ADGRB2: variants seen among roughly 807,000 people sequenced by gnomAD.
ADGRB2 encodes the protein brain-specific angiogenesis inhibitor 2.
A neutral mutation model predicts 178.7 loss-of-function variants in ADGRB2; 47 were observed. The ratio of observed to expected loss-of-function variants is 0.26; its 90% confidence interval spans 0.21 to 0.34. The LOEUF is 0.34. ADGRB2 is among the 10% of genes least tolerant of loss of function. The probability of loss-of-function intolerance (pLI) is 1.00; values close to 1 mark genes in which losing one functional copy is unlikely to be tolerated. For missense variants in ADGRB2, 1,584 were observed against 2,180.8 expected (o/e 0.73, Z 5.45); for synonymous variants, 870 against 912.4 (o/e 0.95, Z 0.84).
chr1:31,739,423 G>A lies in ADGRB2; in HGVS notation c.2380C>T (p.Pro794Ser). The stretch of plus-strand genomic sequence containing the variant: ...CGCTGGTGGGAGTGGCCTGGGCCAG[G>A]AGGCACCGTTCCTGGGCCCCTCCCC... ...GRGRGPGTVPPGPGHSHQRLL... is the reference protein window; with the variant it reads ...GRGRGPGTVPSGPGHSHQRLL... Residue 794 changes from proline to serine, a missense_variant, in exon 15 of 33, where the codon CCT becomes TCT. By Grantham distance (74) the Pro-to-Ser change is moderately conservative. Coordinates refer to ENST00000373658, the MANE Select transcript of ADGRB2 (RefSeq NM_001364857.2). 6.3e-7 allele frequency: 1 copy of A among 1,575,494 alleles called. No individual in the cohort carries two copies. Among genetic ancestry groups the A allele is most frequent in the Non-Finnish European group, 8.6e-7 (1 of 1,161,272 alleles).
At chr1:31,738,435 G>A (rs1053829184) in intron 17 of ADGRB2, 109 bp from the exon 18 acceptor site, 17 of 1,555,356 alleles carry the variant, frequency 1.1e-5, no homozygotes, top group African/African-American at 4.1e-5. Context: ...CCACATCCAC[G>A]AGGCAACAGC....
chr1:31,739,795 G>T, intron 14 of ADGRB2, 131 bp downstream of exon 14: 1 of 1,187,170 alleles, frequency 8.4e-7, no homozygotes, highest in South Asian at 1.4e-5. Flanking sequence ...CAGAGAAACA[G>T]ACCACACATA....
In ADGRB2 at chr1:31,745,498, A is replaced by G. The variant is rs187255362; in HGVS notation, c.839-767T>C. On this transcript the variant is annotated intron_variant, in intron 4 of 32. Coordinates refer to ENST00000373658, the MANE Select transcript of ADGRB2 (RefSeq NM_001364857.2). ...GTCTGGGCTAGGCCTTGGAAGCACTACCAGCCCTGGTGGCTTCCATTCTCC... is the reference window on the plus strand; with the variant it reads ...GTCTGGGCTAGGCCTTGGAAGCACTGCCAGCCCTGGTGGCTTCCATTCTCC... Among the ~76,000 whole-genome samples the G allele has an allele frequency of 3.3e-5, 5 of 152,280 alleles. No homozygotes were observed. The East Asian group carries it at 9.7e-4, about 29-fold the overall frequency.
rs1645682749 is a variant in ADGRB2 at position 31,737,548 on chromosome 1, G to T, written c.2877-17C>A. On this transcript the variant is annotated splice_polypyrimidine_tract_variant and intron_variant, in intron 19 of 32. Transcript: ENST00000373658. ...TTTATGAACCTGCCGGGGCACAGCA[G>T]GCAGGGACAGAGGCGCTGGCTGCCC... 1 of 1,613,378 alleles carries T rather than the reference G, an allele frequency of 6.2e-7. No homozygotes were observed. The highest frequency in any genetic ancestry group is 1.3e-5 in the African/African-American group (1 of 74,912).
At position 31,736,643 on chromosome 1, in the gene ADGRB2, C is replaced by T; in HGVS notation, c.3060G>A (p.Gln1020=). The change falls in exon 21 of 33, where the codon CAG becomes CAA. Residue 1020 remains glutamine, a synonymous_variant. Transcript: ENST00000373658. ...SFCWVLTEAW[Q]SYLAVIGRMR... Reference sequence around the variant, plus strand: ...TCCGCCCAATGACAGCCAGGTAGGACTGCCAGGCCTCGGTAAGCACCCAGC... The same window carrying T: ...TCCGCCCAATGACAGCCAGGTAGGATTGCCAGGCCTCGGTAAGCACCCAGC... The T allele has an allele frequency of 1.9e-6, 3 of 1,614,150 alleles. No homozygotes were observed. The highest frequency in any genetic ancestry group is 2.5e-6 in the Non-Finnish European group (3 of 1,179,992).
intron 4 of ADGRB2, among the ~76,000 whole-genome samples, chr1:31,745,785 C>T (rs928353356): frequency 6.6e-6 from 1 of 152,214 alleles, no homozygotes; most frequent in African/African-American, 2.4e-5. Context: ...AAGGGACCCA[C>T]CAGGGCTGCC....
chr1:31,743,868 A>G (rs12132508), intron 6 of ADGRB2, among the ~76,000 whole-genome samples: 4,703 of 152,340 alleles, frequency 0.031, 104 homozygotes, highest in Non-Finnish European at 0.048. Context: ...CAGCAAATGC[A>G]GGGAGGTGGG....
At position 31,744,147 on chromosome 1, in the gene ADGRB2, G is replaced by A. The variant is rs1352428984; in HGVS notation, c.1087+46C>T. On this transcript the variant is annotated intron_variant, in intron 6 of 32. Transcript: ENST00000373658. This position sits in a 1 kb window ranked among gnomAD's most constrained non-coding sequence, Gnocchi z 6.7. The stretch of plus-strand genomic sequence containing the variant: ...ATTAATCTGCCCAAGTCCCAGGCAG[G>A]ACCTAACCCTGCAGGCAGGTGGGGT... The A allele has an allele frequency of 1.3e-6, 2 of 1,484,666 alleles. No individual in the cohort carries two copies. Among genetic ancestry groups the A allele is most frequent in the Non-Finnish European group, 1.8e-6 (2 of 1,113,358 alleles). The allele number at this position is 1,484,666 out of a possible 1,614,324, so 92.0% of individuals were successfully genotyped here. A position where few individuals can be genotyped will look rare whatever the true frequency, so the allele number is the denominator to read the frequency against.
At position 31,764,072 on chromosome 1, in the gene ADGRB2, G is replaced by T; in HGVS notation, c.-379C>A. The T allele has an allele frequency of 2.1e-6, 2 of 961,752 alleles. No homozygotes were observed. Among genetic ancestry groups the T allele is most frequent in the Non-Finnish European group, 2.5e-6 (2 of 812,714 alleles). The allele number at this position is 961,752 out of a possible 1,614,324, so 59.6% of individuals were successfully genotyped here. On this transcript the variant is annotated 5_prime_UTR_variant, in exon 1 of 33. Coordinates refer to ENST00000373658, the MANE Select transcript of ADGRB2 (RefSeq NM_001364857.2). This position sits in a 1 kb window ranked among gnomAD's most constrained non-coding sequence, Gnocchi z 7.3. ...AGGCGCCGCGGAGCAGCGCGGGGCG[G>T]GCGGGCGGGCGGCGCCGGGCCGGGC...
rs1557724493 is a variant in ADGRB2, at chr1:31,727,567, T to C, written c.4611A>G (p.Gln1537=). The part of the protein sequence containing the change: ...PSPGERPSLS[Q]HRRHQSWSTF... ...TGCTCCAGCTCTGATGGCGCCGATGTTGGGACAAGCTGGGGCGCTCCCCAG... is the reference window on the plus strand; with the variant it reads ...TGCTCCAGCTCTGATGGCGCCGATGCTGGGACAAGCTGGGGCGCTCCCCAG... Residue 1537 remains glutamine, a synonymous_variant, in exon 33 of 33, where the codon CAA becomes CAG. Coordinates refer to ENST00000373658, the MANE Select transcript of ADGRB2 (RefSeq NM_001364857.2). This position sits in a 1 kb window ranked among gnomAD's most constrained non-coding sequence, Gnocchi z 4.4. 1.3e-6 allele frequency: 2 copies of C among 1,572,414 alleles called. No individual in the cohort carries two copies. The highest frequency in any genetic ancestry group is 1.7e-6 in the Non-Finnish European group (2 of 1,165,974).
At position 31,755,923 on chromosome 1, in the gene ADGRB2, G is replaced by A; in HGVS notation, c.838+76C>T. On this transcript the variant is annotated intron_variant, in intron 4 of 32. Coordinates refer to ENST00000373658, the MANE Select transcript of ADGRB2 (RefSeq NM_001364857.2). This position sits in a 1 kb window ranked among gnomAD's most constrained non-coding sequence, Gnocchi z 5.1. ...GTGAACAGCTACATGCATGGCCGAG[G>A]ATCTGCCAGGATGGACACCAGGGAC... The A allele has an allele frequency of 6.6e-7, 1 of 1,524,246 alleles. No homozygotes were observed. The highest frequency in any genetic ancestry group is 2.0e-5 in the Admixed American group (1 of 50,342). 94.4% of individuals were successfully genotyped at this position (1,524,246 alleles called of 1,614,324 possible). A position where few individuals can be genotyped will look rare whatever the true frequency, so the allele number is the denominator to read the frequency against.
rs367949844 is a variant in ADGRB2 at position 31,735,689 on chromosome 1, G to T, written c.3268-24C>A. 2.5e-6 allele frequency: 4 copies of T among 1,579,228 alleles called. No individual in the cohort carries two copies. In the African/African-American group the frequency reaches 5.4e-5, roughly 21 times the overall value. On this transcript the variant is annotated intron_variant, in intron 23 of 32. Coordinates refer to ENST00000373658, the MANE Select transcript of ADGRB2 (RefSeq NM_001364857.2). This position sits in a 1 kb window ranked among gnomAD's most constrained non-coding sequence, Gnocchi z 6.0. ...ACCTGGGGGCCCAGTAGAGTGGAGT[G>T]GGGGAGACAGGATCACCAGGTGCCC...
Position 31,742,069 on chromosome 1 carries a change from G to A in ADGRB2, c.1401C>T (p.Ser467=). 6.2e-7 allele frequency: 1 copy of A among 1,610,820 alleles called. No homozygotes were observed. The highest frequency in any genetic ancestry group is 1.7e-4 in the Middle Eastern group (1 of 6,032). The change falls in exon 8 of 33, where the codon AGC becomes AGT. Residue 467 remains serine, a synonymous_variant. Transcript: ENST00000373658. ...TGALTDTREC[S]NLECPATDSK... is the part of the protein sequence containing the mutation. ...AGCACTCACCCGGGCACTCGAGGTT[G>A]CTGCACTCCCGGGTGTCAGTGAGGG...
Position 31,755,635 on chromosome 1 carries a change from C to T in ADGRB2, c.838+364G>A, listed in dbSNP as rs1214506836. Reference sequence around the variant, plus strand: ...TCATTCCCAGCCTTGGGCCTTTGTGCACCCTTCTTGCTCTGCCTAGAATGC... The same window carrying T: ...TCATTCCCAGCCTTGGGCCTTTGTGTACCCTTCTTGCTCTGCCTAGAATGC... On this transcript the variant is annotated intron_variant, in intron 4 of 32. Transcript: ENST00000373658. This position sits in a 1 kb window ranked among gnomAD's most constrained non-coding sequence, Gnocchi z 5.1. 6.6e-6 allele frequency among the ~76,000 whole-genome samples: 1 copy of T among 152,030 alleles called. No individual in the cohort carries two copies. Among genetic ancestry groups the T allele is most frequent in the Non-Finnish European group, 1.5e-5 (1 of 67,986 alleles).
In ADGRB2 at chr1:31,735,182, C is replaced by T; in HGVS notation, c.3452+1G>A. The T allele has an allele frequency of 7.8e-7, 1 of 1,280,716 alleles. No individual in the cohort carries two copies. The highest frequency in any genetic ancestry group is 1.0e-6 in the Non-Finnish European group (1 of 994,850). 79.3% of individuals were successfully genotyped at this position (1,280,716 alleles called of 1,614,324 possible). A position where few individuals can be genotyped will look rare whatever the true frequency, so the allele number is the denominator to read the frequency against. ...ACCGCCCCCCAGGGGGCACGACTAA[C>T]ATGGCGTTCCTGGCCGAGGCTGAGC... On this transcript the variant is annotated splice_donor_variant, in intron 25 of 32. Transcript: ENST00000373658. LOFTEE classifies it high-confidence loss of function. This position sits in a 1 kb window ranked among gnomAD's most constrained non-coding sequence, Gnocchi z 6.0.
rs149449232 is a variant in ADGRB2 at position 31,749,687 on chromosome 1, G to A, written c.839-4956C>T. Among the ~76,000 whole-genome samples the A allele has an allele frequency of 3.0e-4, 46 of 152,338 alleles. No individual in the cohort carries two copies. The South Asian group carries it at 8.3e-3, about 27-fold the overall frequency. On this transcript the variant is annotated intron_variant, in intron 4 of 32. Transcript: ENST00000373658. ...AGCCCTTTGGGAAGCCGAGGAGGGC[G>A]GATCGTTTGAGCCCAGGAATTCAAG...
At chr1:31,732,670 T>A in intron 26 of ADGRB2, 58 bp from the exon 27 acceptor site, 1 of 1,568,856 alleles carries the variant, frequency 6.4e-7, no homozygotes, top group Middle Eastern at 1.7e-4. Flanking sequence ...CGACCACAGA[T>A]GGCTGTGCTT....
rs772780095 is a variant in ADGRB2, at chr1:31,756,725, T to C, written c.112A>G (p.Ser38Gly). 6.3e-6 allele frequency: 10 copies of C among 1,590,294 alleles called. No homozygotes were observed. In the South Asian group the frequency reaches 1.1e-4, roughly 18 times the overall value. ...CCCGAGGCCAGGGCAGAGCAGGCAC[T>C]GGGGGCGGGGTCGAAGGCGGTGGCC... ...RLATAFDPAP[S>G]ACSALASGVL... The change falls in exon 4 of 33, where the codon AGT becomes GGT. Residue 38 changes from serine to glycine, a missense_variant. Ser to Gly is a moderately conservative substitution (Grantham distance 56). Around this residue, in one of 3 missense-constraint regions of ADGRB2, gnomAD observed 657 missense variants for 847.6 expected, o/e 0.78. Coordinates refer to ENST00000373658, the MANE Select transcript of ADGRB2 (RefSeq NM_001364857.2). This position sits in a 1 kb window ranked among gnomAD's most constrained non-coding sequence, Gnocchi z 8.5.
chr1:31,743,885 C>T (rs980196286), intron 6 of ADGRB2, among the ~76,000 whole-genome samples: 3 of 152,186 alleles, frequency 2.0e-5, no homozygotes, highest in Non-Finnish European at 4.4e-5. Flanking sequence ...TGGGAAAGTG[C>T]GCAAGCTACT....
Sources: allele counts gnomAD v4.1 joint callset (sites outside exome capture counted in the v4.1 genomes callset), GRCh38; gene constraint gnomAD v4.1.1; regional missense constraint gnomAD v4.1.1; non-coding constraint Gnocchi (gnomAD v3.1); transcripts MANE v1.5; gene names NCBI Gene and HGNC (gene_info 2026-07-23, HGNC 2026-07-21).